Variants in TMEM131 observed in about 807,000 individuals in gnomAD.
The protein encoded by TMEM131 is 2610524E03Rik.
A neutral mutation model predicts 211.6 loss-of-function variants in TMEM131; 66 were observed. That is an observed-to-expected ratio of 0.31 (90% CI 0.26 to 0.38). The LOEUF is 0.38. Among genes scored for constraint, TMEM131 ranks in the 10% least tolerant of loss-of-function variants. The pLI is 1.00. For synonymous variants in TMEM131, 844 were observed against 841.3 expected (o/e 1.00, Z -0.06); for missense variants, 2,036 against 2,299.3 (o/e 0.89, Z 2.34).
At chr2:97,765,973 G>T in intron 35 of TMEM131, 141 bp downstream of exon 35, 2 of 1,019,206 alleles carry the variant, frequency 2.0e-6, no homozygotes, top group Non-Finnish European at 2.8e-6. Context: ...CACTGATTAG[G>T]CTAGTTAACA....
chr2:97,780,926 CAGAGAAGGAATCTTGGT>C (rs1679966574), intron 31 of TMEM131, among the ~76,000 whole-genome samples: 1 of 152,166 alleles, frequency 6.6e-6, no homozygotes, highest in South Asian at 2.1e-4. Flanking sequence ...AACCTGGTGG[CAGAGAAGGAATCTTGGT>C]AGAGCAGCCA....
At chr2:97,774,777 T>C (rs1679637145) in intron 32 of TMEM131, among the ~76,000 whole-genome samples, 1 of 152,188 alleles carries the variant, frequency 6.6e-6, no homozygotes, top group South Asian at 2.1e-4. Flanking sequence ...TGCTGGGATT[T>C]TACTCAAAGT....
chr2:97,772,800 G>A (rs1374602100), intron 32 of TMEM131, among the ~76,000 whole-genome samples: 1 of 152,246 alleles, frequency 6.6e-6, no homozygotes, highest in East Asian at 1.9e-4. Context: ...GGGAGGCTGA[G>A]GCATGAGAAT....
intron 11 of TMEM131, among the ~76,000 whole-genome samples, chr2:97,820,412 C>T (rs1682054872): frequency 6.6e-6 from 1 of 152,144 alleles, no homozygotes; most frequent in African/African-American, 2.4e-5. Context: ...TACTATATTA[C>T]CATGCTAATA....
At chr2:97,936,691 T>C (rs189588015) in intron 1 of TMEM131, among the ~76,000 whole-genome samples, 3 of 152,088 alleles carry the variant, frequency 2.0e-5, no homozygotes, top group Non-Finnish European at 4.4e-5. Context: ...CAACAAACCT[T>C]AGGGAGGGGA....
In TMEM131 at chr2:97,805,383, T is replaced by G; in HGVS notation, c.2277A>C (p.Leu759=). 6.2e-7 allele frequency: 1 copy of G among 1,613,598 alleles called. No individual in the cohort carries two copies. The highest frequency in any genetic ancestry group is 8.5e-7 in the Non-Finnish European group (1 of 1,179,626). ...AACAGCAAGGTCACTTACATTTGGA[T>G]AGAAAAGGCAAGCCAACATAGCAAT... ...GDHCYVGLPF[L]SKSEPKVQPG... is the part of the protein sequence containing the mutation. The change falls in exon 21 of 41, where the codon CTA becomes CTC. Residue 759 remains leucine (L), a synonymous_variant. Transcript: ENST00000186436.
chr2:97,911,494 TG>T, intron 2 of TMEM131: 1 of 224,556 alleles, frequency 4.5e-6, no homozygotes, highest in Non-Finnish European at 7.4e-6. Flanking sequence ...TGAGAAGCTA[TG>T]GTCTCACATG....
Position 97,759,067 on chromosome 2 carries a change from A to C in TMEM131, c.5207-14T>G. 1 of 1,614,050 alleles carries C rather than the reference A, an allele frequency of 6.2e-7. No individual in the cohort carries two copies. The highest frequency in any genetic ancestry group is 8.5e-7 in the Non-Finnish European group (1 of 1,179,874). On this transcript the variant is annotated splice_polypyrimidine_tract_variant and intron_variant, in intron 39 of 40. Transcript: ENST00000186436. ...TGCTGAAAACTTCTGGAAATAAAGCAACAGTCATCAAGTCCATATTTGGTT... is the reference window on the plus strand; with the variant it reads ...TGCTGAAAACTTCTGGAAATAAAGCCACAGTCATCAAGTCCATATTTGGTT...
At chr2:97,810,190 TG>T (rs199962898) in intron 18 of TMEM131, among the ~76,000 whole-genome samples, 6 of 152,134 alleles carry the variant, frequency 3.9e-5, no homozygotes, top group African/African-American at 1.4e-4. Flanking sequence ...GCTTTTTTTT[TG>T]ATACAGAAAT....
intron 1 of TMEM131, among the ~76,000 whole-genome samples, chr2:97,960,629 G>T (rs185049765): frequency 5.3e-5 from 8 of 152,122 alleles, no homozygotes; most frequent in African/African-American, 1.9e-4. Flanking sequence ...AAAGAAATAA[G>T]ACTAATTCTA....
At chr2:97,786,778 C>T (rs969569491) in intron 31 of TMEM131, among the ~76,000 whole-genome samples, 9 of 152,126 alleles carry the variant, frequency 5.9e-5, no homozygotes, top group African/African-American at 1.9e-4. Flanking sequence ...CTGGGTTTGA[C>T]GGGGGGCCGA....
At chr2:97,791,096 C>T (rs1680480778) in intron 31 of TMEM131, among the ~76,000 whole-genome samples, 1 of 152,154 alleles carries the variant, frequency 6.6e-6, no homozygotes, top group Admixed American at 6.5e-5. Flanking sequence ...ATGGCTGCCA[C>T]AAGACAGAAA....
intron 1 of TMEM131, among the ~76,000 whole-genome samples, chr2:97,984,164 A>C (rs1277160523): frequency 6.6e-6 from 1 of 152,174 alleles, no homozygotes; most frequent in Non-Finnish European, 1.5e-5. Flanking sequence ...TTGTCTATTT[A>C]TATACCAGTA....
chr2:97,847,603 T>C (rs1217552577), intron 5 of TMEM131, among the ~76,000 whole-genome samples: 1 of 152,184 alleles, frequency 6.6e-6, no homozygotes, highest in Non-Finnish European at 1.5e-5. Flanking sequence ...TCTCCTGAAA[T>C]GGATTTATAT....
chr2:97,855,863 C>A (rs554988765), intron 5 of TMEM131, among the ~76,000 whole-genome samples: 101 of 152,102 alleles, frequency 6.6e-4, no homozygotes, highest in Non-Finnish European at 1.2e-3. Flanking sequence ...TGTTAAATTC[C>A]CAAAAACATG....
intron 1 of TMEM131, among the ~76,000 whole-genome samples, chr2:97,937,939 T>G (rs1207843455): frequency 6.6e-6 from 1 of 152,156 alleles, no homozygotes; most frequent in Non-Finnish European, 1.5e-5. Flanking sequence ...ACTTCGTAAG[T>G]GAAAGAGAAA....
Position 97,995,470 on chromosome 2 carries a change from A to AC in TMEM131, c.187+5dup. 7.2e-7 allele frequency: 1 copy of AC among 1,392,706 alleles called. No homozygotes were observed. The highest frequency in any genetic ancestry group is 9.4e-7 in the Non-Finnish European group (1 of 1,068,126). The allele number at this position is 1,392,706 out of a possible 1,614,324, so 86.3% of individuals were successfully genotyped here. A position where few individuals can be genotyped will look rare whatever the true frequency, so the allele number is the denominator to read the frequency against. On this transcript the variant is annotated splice_donor_region_variant and intron_variant, in intron 1 of 40. Coordinates refer to ENST00000186436, the MANE Select transcript of TMEM131 (RefSeq NM_015348.2). ...CGCCGCAGGGACGCCGCCGGGGGAC[A>AC]CCCACCTTCCTTCTCGGCCCGCGCC...
At position 97,811,320 on chromosome 2, in the gene TMEM131, G is replaced by A. The variant is rs1028691551; in HGVS notation, c.1864-88C>T. The A allele has an allele frequency of 6.3e-6, 6 of 947,162 alleles. 1 individual carries two copies. The highest frequency in any genetic ancestry group is 3.5e-5 in the Admixed American group (2 of 57,908). 58.7% of individuals were successfully genotyped at this position (947,162 alleles called of 1,614,324 possible). On this transcript the variant is annotated intron_variant, in intron 17 of 40. Coordinates refer to ENST00000186436, the MANE Select transcript of TMEM131 (RefSeq NM_015348.2). ...GACATGAAGGGTGTAGCGATAAAAT[G>A]ACTAACAAATCCTAACATATACCAG...
chr2:97,784,043 G>A (rs1014681570), intron 31 of TMEM131, among the ~76,000 whole-genome samples: 1 of 151,866 alleles, frequency 6.6e-6, no homozygotes, highest in African/African-American at 2.4e-5. Context: ...CCACCAAGAA[G>A]TTACAGCAAT....
Sources: gnomAD v4.1 joint callset for allele counts (sites outside exome capture counted in the v4.1 genomes callset) on GRCh38, gnomAD v4.1.1 for gene constraint, MANE v1.5 for transcripts, NCBI Gene and HGNC (gene_info 2026-07-23, HGNC 2026-07-21) for gene names.